The following TNPO1 variants were observed in gnomAD, a reference collection of about 807,000 sequenced individuals.
The protein encoded by TNPO1 is transportin-1.
TNPO1 carries 8 observed loss-of-function variants against 119.5 expected under a neutral mutation model. The observed-to-expected ratio is 0.07, with a 90% CI of 0.04 to 0.12. The LOEUF is 0.12. TNPO1 is among the 10% of genes least tolerant of loss of function. TNPO1 has a pLI of 1.00. For missense variants in TNPO1, 576 were observed against 1,089.8 expected, an observed-to-expected ratio of 0.53 and a Z score of 6.64; for synonymous variants, 362 against 363.0, an observed-to-expected ratio of 1.00 and a Z score of 0.03.
At chr5:72,884,020 G>T (rs1580453005) in intron 11 of TNPO1, among the ~76,000 whole-genome samples, 1 of 152,114 alleles carries the variant, frequency 6.6e-6, no homozygotes, top group African/African-American at 2.4e-5. Flanking sequence ...AAAGTGCTAG[G>T]ATTACAGGCG....
intron 2 of TNPO1, among the ~76,000 whole-genome samples, chr5:72,849,002 G>C (rs2112245404): frequency 6.6e-6 from 1 of 152,234 alleles, no homozygotes; most frequent in South Asian, 2.1e-4. Flanking sequence ...CGCGGGGTTT[G>C]AACTGCAGCT....
intron 2 of TNPO1, among the ~76,000 whole-genome samples, chr5:72,850,407 A>G (rs1745453794): frequency 6.6e-6 from 1 of 152,202 alleles, no homozygotes; most frequent in Non-Finnish European, 1.5e-5. Flanking sequence ...TGACCCATAA[A>G]CATTGAGGGT....
At chr5:72,846,676 T>C (rs1371250037) in intron 1 of TNPO1, among the ~76,000 whole-genome samples, 4 of 152,186 alleles carry the variant, frequency 2.6e-5, no homozygotes, top group African/African-American at 9.7e-5. Flanking sequence ...GGTTGATGGC[T>C]GGGATTGGAC....
Position 72,865,673 on chromosome 5 carries a change from C to A in TNPO1, c.540C>A (p.Leu180=). The stretch of plus-strand genomic sequence containing the variant: ...ACAGTGATGTTTTAGATCGTCCTCT[C>A]AACATCATGATTCCCAAATTTTTAC... ...ILDSDVLDRP[L]NIMIPKFLQF... is the part of the protein sequence containing the mutation. Residue 180 remains leucine (L), a synonymous_variant, in exon 6 of 25, where the codon CTC becomes CTA. Coordinates refer to ENST00000337273, the MANE Select transcript of TNPO1 (RefSeq NM_002270.4). 1 of 1,613,702 alleles carries A rather than the reference C, an allele frequency of 6.2e-7. No homozygotes were observed. The highest frequency in any genetic ancestry group is 8.5e-7 in the Non-Finnish European group (1 of 1,179,778).
chr5:72,863,685 C>G (rs551228063), intron 5 of TNPO1, among the ~76,000 whole-genome samples: 1 of 150,028 alleles, frequency 6.7e-6, no homozygotes, highest in African/African-American at 2.5e-5. Context: ...TGCTTGAACC[C>G]AGGAGGCGAA....
Position 72,847,521 on chromosome 5 carries a change from T to C in TNPO1, c.16-864T>C, listed in dbSNP as rs1268008916. Among the ~76,000 whole-genome samples the C allele has an allele frequency of 1.3e-5, 2 of 152,232 alleles. 1 individual carries two copies. The highest frequency in any genetic ancestry group is 2.9e-5 in the Non-Finnish European group (2 of 68,042). On this transcript the variant is annotated intron_variant, in intron 1 of 24. Transcript: ENST00000337273. Reference sequence around the variant, plus strand: ...CAAATAATACCTCACTAGGTTGTAATGAAAATCAAATGAGAAAATGTAGTA... The same window carrying C: ...CAAATAATACCTCACTAGGTTGTAACGAAAATCAAATGAGAAAATGTAGTA...
intron 1 of TNPO1, among the ~76,000 whole-genome samples, chr5:72,822,130 C>A (rs1743986883): frequency 6.6e-6 from 1 of 152,056 alleles, no homozygotes; most frequent in Non-Finnish European, 1.5e-5. Context: ...TGAAACGAAT[C>A]TAGAAGATTG....
Position 72,889,838 on chromosome 5 carries a change from G to T in TNPO1, c.1582G>T (p.Ala528Ser). 6.2e-7 allele frequency: 1 copy of T among 1,611,336 alleles called. No individual in the cohort carries two copies. The highest frequency in any genetic ancestry group is 1.1e-5 in the South Asian group (1 of 90,944). The change falls in exon 14 of 25, where the codon GCT (alanine) becomes TCT (serine). Residue 528 changes from alanine to serine, a missense_variant. Coordinates refer to ENST00000337273, the MANE Select transcript of TNPO1 (RefSeq NM_002270.4). ...EACTELVPYL[A>S]YILDTLVFAF... ...TTGTACAGAACTTGTTCCTTACCTT[G>T]CTTATATACTTGATACCCTGGTCTT...
At chr5:72,876,145 T>G (rs1046603662) in intron 8 of TNPO1, among the ~76,000 whole-genome samples, 2 of 152,222 alleles carry the variant, frequency 1.3e-5, no homozygotes, top group Non-Finnish European at 2.9e-5. Flanking sequence ...AAGTTTAGTG[T>G]TAACTAAAGT....
Position 72,888,161 on chromosome 5 carries a change from C to T in TNPO1, c.1387C>T (p.Arg463Cys), listed in dbSNP as rs1376219260. The T allele has an allele frequency of 6.8e-6, 11 of 1,614,020 alleles. No homozygotes were observed. Among genetic ancestry groups the T allele is most frequent in the African/African-American group, 2.7e-5 (2 of 74,896 alleles). Reference protein sequence around the residue: ...QCLSDKKALVRSITCWTLSRY... With the variant: ...QCLSDKKALVCSITCWTLSRY... ...CCTCTCTGATAAAAAGGCTCTTGTGCGTTCCATAACATGCTGGACTCTTAG... is the reference window on the plus strand; with the variant it reads ...CCTCTCTGATAAAAAGGCTCTTGTGTGTTCCATAACATGCTGGACTCTTAG... Residue 463 changes from arginine to cysteine, a missense_variant, in exon 13 of 25, where the codon CGT (arginine) becomes TGT (cysteine). Coordinates refer to ENST00000337273, the MANE Select transcript of TNPO1 (RefSeq NM_002270.4).
chr5:72,898,235 T>C (rs1462495844), intron 20 of TNPO1, among the ~76,000 whole-genome samples: 1 of 152,132 alleles, frequency 6.6e-6, no homozygotes, highest in Non-Finnish European at 1.5e-5. Context: ...TTGTGGAACC[T>C]AAAGAAACTT....
chr5:72,822,908 C>CTT (rs56331096), intron 1 of TNPO1, among the ~76,000 whole-genome samples: 64 of 76,066 alleles, frequency 8.4e-4, no homozygotes, highest in African/African-American at 1.6e-3. Context: ...TGGGTCTACA[C>CTT]TTTTTTTTTT....
intron 14 of TNPO1, among the ~76,000 whole-genome samples, 186 bp from the exon 15 acceptor site, chr5:72,891,624 T>C (rs575404902): frequency 6.6e-6 from 1 of 152,220 alleles, no homozygotes; most frequent in East Asian, 1.9e-4. Context: ...GTCATGTAAG[T>C]ATAAAGGTAG....
intron 13 of TNPO1, among the ~76,000 whole-genome samples, chr5:72,889,585 A>G (rs1748905600): frequency 6.6e-6 from 1 of 152,202 alleles, no homozygotes; most frequent in Non-Finnish European, 1.5e-5. Context: ...AAGCAGCAAC[A>G]TAATTATCAT....
intron 2 of TNPO1, 88 bp from the exon 3 acceptor site, chr5:72,851,156 C>T (rs1745518310): frequency 3.7e-6 from 3 of 810,510 alleles, no homozygotes; most frequent in Non-Finnish European, 4.1e-6. Context: ...AAAATACCAC[C>T]AAAGAGATCC....
At chr5:72,821,272 TC>T (rs1182952565) in intron 1 of TNPO1, among the ~76,000 whole-genome samples, 1 of 152,180 alleles carries the variant, frequency 6.6e-6, no homozygotes, top group Non-Finnish European at 1.5e-5. Context: ...AGCCCCTTTA[TC>T]CTAGATGCAT....
At position 72,893,394 on chromosome 5, in the gene TNPO1, A is replaced by G; in HGVS notation, c.1914A>G (p.Pro638=). 6.2e-7 allele frequency: 1 copy of G among 1,613,558 alleles called. No individual in the cohort carries two copies. Among genetic ancestry groups the G allele is most frequent in the Non-Finnish European group, 8.5e-7 (1 of 1,179,876 alleles). ...LAQAMLNNAQ[P]DQYEAPDKDF... ...AATTTCAGCTAAACAATGCTCAACC[A>G]GATCAATATGAAGCTCCAGATAAAG... Residue 638 remains proline (P), a synonymous_variant, in exon 17 of 25, where the codon CCA becomes CCG. Coordinates refer to ENST00000337273, the MANE Select transcript of TNPO1 (RefSeq NM_002270.4).
At chr5:72,848,162 G>A (rs1745225979) in intron 1 of TNPO1, 2 of 1,175,474 alleles carry the variant, frequency 1.7e-6, no homozygotes, top group South Asian at 5.9e-5. Flanking sequence ...GGCCGCGGCG[G>A]CAGCAGCAGC....
rs1361530544 is a variant in TNPO1, at chr5:72,851,400, G to A, written c.205+81G>A. 26 of 863,876 alleles carry A rather than the reference G, an allele frequency of 3.0e-5. No individual in the cohort carries two copies. In the East Asian group the frequency reaches 6.2e-4, roughly 21 times the overall value. 53.5% of individuals were successfully genotyped at this position (863,876 alleles called of 1,614,324 possible). On this transcript the variant is annotated intron_variant, in intron 3 of 24. Transcript: ENST00000337273. Reference sequence around the variant, plus strand: ...GTACTGAGAATTATTCATTTCAAAGGATTTCATTTTGTAGTAACCTTGTGC... The same window carrying A: ...GTACTGAGAATTATTCATTTCAAAGAATTTCATTTTGTAGTAACCTTGTGC...
Sources: gnomAD v4.1 joint callset for allele counts (sites outside exome capture counted in the v4.1 genomes callset) on GRCh38, gnomAD v4.1.1 for gene constraint, MANE v1.5 for transcripts, NCBI Gene and HGNC (gene_info 2026-07-23, HGNC 2026-07-21) for gene names.